Variants in KCND2 observed in about 807,000 individuals in gnomAD.
KCND2 encodes potassium voltage-gated channel subfamily D member 2.
A neutral mutation model predicts 54.4 loss-of-function variants in KCND2; 16 were observed. The observed-to-expected ratio is 0.29, with a 90% CI of 0.20 to 0.45. KCND2 has a LOEUF of 0.45. KCND2 is among the 20% of genes least tolerant of loss of function. The pLI is 1.00. For synonymous variants in KCND2, 317 were observed against 310.7 expected, an observed-to-expected ratio of 1.02 and a Z score of -0.21; for missense variants, 486 against 824.2, an observed-to-expected ratio of 0.59 and a Z score of 5.02.
chr7:120,368,848 TAAATATGGCAGTGAGGAG>T, intron 1 of KCND2, among the ~76,000 whole-genome samples: 1 of 152,220 alleles, frequency 6.6e-6, no homozygotes, highest in East Asian at 1.9e-4. Context: ...AGAATTAAAT[TAAATATGGCAGTGAGGAG>T]AAGTTAAACC....
intron 1 of KCND2, among the ~76,000 whole-genome samples, chr7:120,691,575 G>A: frequency 6.6e-6 from 1 of 152,108 alleles, no homozygotes; most frequent in Non-Finnish European, 1.5e-5. Context: ...AGAATGAAGG[G>A]GAGGATTAGG....
rs1237057337 is a variant in KCND2, at chr7:120,741,547, C to G, written c.1292C>G (p.Ala431Gly). 1 of 1,612,366 alleles carries G rather than the reference C, an allele frequency of 6.2e-7. No individual in the cohort carries two copies. The highest frequency in any genetic ancestry group is 1.7e-5 in the Admixed American group (1 of 59,948). The change falls in exon 3 of 6, where the codon GCC (alanine) becomes GGC (glycine). Residue 431 changes from alanine (A) to glycine (G), a missense_variant. This residue lies in a region of KCND2 where 202 missense variants were observed against 252.7 expected (regional missense o/e 0.80). Coordinates refer to ENST00000331113, the MANE Select transcript of KCND2 (RefSeq NM_012281.3). ...TTTCTCCTATAGAAAGCTAGACTGG[C>G]CAGGATCCGGGCAGCCAAAAGCGGA... is the stretch of plus-strand genomic sequence containing the variant. ...KRRAQKKARL[A>G]RIRAAKSGSA...
chr7:120,572,669 C>T (rs1201158577), intron 1 of KCND2, among the ~76,000 whole-genome samples: 4 of 152,098 alleles, frequency 2.6e-5, no homozygotes, highest in Non-Finnish European at 4.4e-5. Flanking sequence ...AGGTGTGAGC[C>T]GCCACACCCA....
chr7:120,288,917 G>A (rs1355606118), intron 1 of KCND2, among the ~76,000 whole-genome samples: 1 of 151,914 alleles, frequency 6.6e-6, no homozygotes, highest in African/African-American at 2.4e-5. Flanking sequence ...AGATGATGCG[G>A]GTTTATCCCA....
chr7:120,281,367 C>A (rs990761210), intron 1 of KCND2, among the ~76,000 whole-genome samples: 1 of 150,824 alleles, frequency 6.6e-6, no homozygotes, highest in Middle Eastern at 3.2e-3. Context: ...TATGTATAAG[C>A]ATTGCTCTCC....
At chr7:120,743,186 A>C (rs1237048988) in intron 4 of KCND2, among the ~76,000 whole-genome samples, 1 of 152,294 alleles carries the variant, frequency 6.6e-6, no homozygotes, top group East Asian at 1.9e-4. Flanking sequence ...GGACCTCCTC[A>C]TTGGCAAATC....
chr7:120,422,059 T>C (rs975219268), intron 1 of KCND2, among the ~76,000 whole-genome samples: 4 of 152,148 alleles, frequency 2.6e-5, no homozygotes, highest in Non-Finnish European at 4.4e-5. Context: ...TATGAAATGC[T>C]AAATATGAAA....
intron 1 of KCND2, among the ~76,000 whole-genome samples, chr7:120,434,481 C>G (rs1801838800): frequency 6.6e-6 from 1 of 152,324 alleles, no homozygotes; most frequent in South Asian, 2.1e-4. Context: ...CACTCTGTCT[C>G]CGCTCCAGAA....
rs75552029 is a variant in KCND2 at position 120,602,346 on chromosome 7, T to C, written c.1116-130557T>C. On this transcript the variant is annotated intron_variant, in intron 1 of 5. Transcript: ENST00000331113. ...CCACAAGTGCACCACTGAGCTTTAG[T>C]GTACATTTTTCTTGTTTGTTTTCCT... Among the ~76,000 whole-genome samples the C allele has an allele frequency of 1.4e-3, 215 of 152,284 alleles. 1 individual carries two copies. The highest frequency in any genetic ancestry group is 5.1e-3 in the African/African-American group (212 of 41,576).
At chr7:120,463,254 G>A (rs530854028) in intron 1 of KCND2, among the ~76,000 whole-genome samples, 2 of 151,582 alleles carry the variant, frequency 1.3e-5, no homozygotes, top group East Asian at 2.0e-4. Context: ...CAATTTTGAT[G>A]ACATAGTATG....
At chr7:120,416,819 C>G (rs1401886320) in intron 1 of KCND2, among the ~76,000 whole-genome samples, 1 of 150,180 alleles carries the variant, frequency 6.7e-6, no homozygotes, top group African/African-American at 2.5e-5. Context: ...TAATTATAAT[C>G]AGTTATACAT....
At chr7:120,566,071 C>T (rs573774343) in intron 1 of KCND2, among the ~76,000 whole-genome samples, 1 of 152,128 alleles carries the variant, frequency 6.6e-6, no homozygotes, top group Non-Finnish European at 1.5e-5. Flanking sequence ...GCTTCTGGTA[C>T]CAAAAATGGT....
chr7:120,408,315 G>A (rs1252822470), intron 1 of KCND2, among the ~76,000 whole-genome samples: 1 of 151,880 alleles, frequency 6.6e-6, no homozygotes, highest in Non-Finnish European at 1.5e-5. Flanking sequence ...GTCCTTTCAA[G>A]TTTGAGGTCC....
intron 1 of KCND2, among the ~76,000 whole-genome samples, chr7:120,507,404 G>A (rs1803041449): frequency 6.6e-6 from 1 of 151,824 alleles, no homozygotes; most frequent in South Asian, 2.1e-4. Flanking sequence ...TTTTCAGCTG[G>A]ACTTATGGCT....
At chr7:120,739,059 T>G (rs1166228064) in intron 2 of KCND2, among the ~76,000 whole-genome samples, 1 of 152,072 alleles carries the variant, frequency 6.6e-6, no homozygotes, top group African/African-American at 2.4e-5. Flanking sequence ...TTCCCTAAGC[T>G]TAGAACTACT....
chr7:120,472,919 G>A (rs889953765), intron 1 of KCND2, among the ~76,000 whole-genome samples: 13 of 152,214 alleles, frequency 8.5e-5, no homozygotes, highest in African/African-American at 2.7e-4. Flanking sequence ...ATTGTGAGCA[G>A]TTAATAAAGA....
intron 1 of KCND2, among the ~76,000 whole-genome samples, chr7:120,351,636 A>C (rs1020035931): frequency 2.6e-5 from 4 of 151,988 alleles, no homozygotes; most frequent in African/African-American, 9.7e-5. Context: ...CGTTTATATA[A>C]ATGTAGACCT....
chr7:120,671,134 T>C (rs1791987922), intron 1 of KCND2, among the ~76,000 whole-genome samples: 1 of 152,064 alleles, frequency 6.6e-6, no homozygotes, highest in East Asian at 1.9e-4. Flanking sequence ...TGAATTTGTT[T>C]ACCAAGTGTG....
At chr7:120,736,167 G>A (rs1382296145) in intron 2 of KCND2, among the ~76,000 whole-genome samples, 3 of 152,036 alleles carry the variant, frequency 2.0e-5, no homozygotes, top group Non-Finnish European at 2.9e-5. Context: ...CCAAGCAAAA[G>A]CATGAAATAG....
Sources: allele counts gnomAD v4.1 joint callset (sites outside exome capture counted in the v4.1 genomes callset), GRCh38; gene constraint gnomAD v4.1.1; regional missense constraint gnomAD v4.1.1; transcripts MANE v1.5; gene names NCBI Gene and HGNC (gene_info 2026-07-23, HGNC 2026-07-21).